Variants in KIF24 observed in about 807,000 individuals in gnomAD.
KIF24 encodes the protein kinesin family member 24.
Under a neutral mutation model 118.9 loss-of-function variants are expected in KIF24, and 81 were observed. The observed-to-expected ratio is 0.68, with a 90% CI of 0.57 to 0.82. The LOEUF is 0.82. Among genes scored for constraint, KIF24 ranks in the 40% least tolerant of loss-of-function variants. The pLI is 0.00. For synonymous variants in KIF24, 599 were observed against 610.0 expected (o/e 0.98, Z 0.27); for missense variants, 1,560 against 1,661.6 (o/e 0.94, Z 1.06).
At chr9:34,314,517 T>C (rs1208399047) in intron 1 of KIF24, among the ~76,000 whole-genome samples, 1 of 152,016 alleles carries the variant, frequency 6.6e-6, no homozygotes, top group Non-Finnish European at 1.5e-5. Flanking sequence ...CCCAGATCTA[T>C]AGAAAACCAA....
At chr9:34,260,229 C>A (rs1835004068) in intron 9 of KIF24, among the ~76,000 whole-genome samples, 1 of 152,152 alleles carries the variant, frequency 6.6e-6, no homozygotes, top group Non-Finnish European at 1.5e-5. Context: ...TTGGCAATCA[C>A]ACTTCTAGGA....
intron 1 of KIF24, among the ~76,000 whole-genome samples, chr9:34,326,703 A>C (rs138248928): frequency 6.6e-6 from 1 of 152,216 alleles, no homozygotes; most frequent in Non-Finnish European, 1.5e-5. Context: ...GAGAAGGAGA[A>C]TAGTATGAGA....
In KIF24 at chr9:34,296,016, G is replaced by A. The variant is rs554776819; in HGVS notation, c.911+1001C>T. Among the ~76,000 whole-genome samples, 11 of 148,642 alleles carry A rather than the reference G, an allele frequency of 7.4e-5. No homozygotes were observed. The East Asian group carries it at 1.8e-3, about 25-fold the overall frequency. The stretch of plus-strand genomic sequence containing the variant: ...GGGCGGATCACGAGGTCAGGAGATC[G>A]AGACCATCCTGACTAACACAGTGAA... On this transcript the variant is annotated intron_variant, in intron 4 of 12. Transcript: ENST00000402558.
intron 2 of KIF24, 52 bp downstream of exon 2, chr9:34,310,672 C>A: frequency 1.4e-6 from 2 of 1,400,274 alleles, no homozygotes; most frequent in Non-Finnish European, 2.0e-6. Context: ...GAGAGGCCTG[C>A]CCTTGCCTGA....
At chr9:34,265,008 T>C (rs1448015609) in intron 8 of KIF24, among the ~76,000 whole-genome samples, 1 of 152,156 alleles carries the variant, frequency 6.6e-6, no homozygotes, top group African/African-American at 2.4e-5. Flanking sequence ...GTTAGCATTT[T>C]TTCTAAGAAA....
intron 7 of KIF24, among the ~76,000 whole-genome samples, chr9:34,270,164 T>C (rs1287563454): frequency 6.7e-6 from 1 of 148,268 alleles, no homozygotes; most frequent in Non-Finnish European, 1.5e-5. Context: ...GAGGTTGCAG[T>C]GAGCCAAGAT....
chr9:34,255,693 G>T, intron 11 of KIF24, 42 bp downstream of exon 11: 1 of 1,519,782 alleles, frequency 6.6e-7, no homozygotes, highest in Non-Finnish European at 8.9e-7. Flanking sequence ...TGGAGGGTGG[G>T]TGCCAAAGGG....
chr9:34,316,901 G>A (rs1837346936), intron 1 of KIF24, among the ~76,000 whole-genome samples: 1 of 150,616 alleles, frequency 6.6e-6, no homozygotes, highest in Non-Finnish European at 1.5e-5. Context: ...GAAACCCCCC[G>A]TCTCTATTAA....
intron 5 of KIF24, among the ~76,000 whole-genome samples, chr9:34,287,193 A>G (rs1354040779): frequency 6.6e-6 from 1 of 152,216 alleles, no homozygotes; most frequent in Admixed American, 6.5e-5. Context: ...CACAGAAGAC[A>G]GAATGAAGAG....
At chr9:34,319,663 G>A (rs1384112661) in intron 1 of KIF24, 1 of 807,402 alleles carries the variant, frequency 1.2e-6, no homozygotes, top group Non-Finnish European at 2.2e-6. Context: ...TAGGGCCTCA[G>A]GGTGCACACA....
intron 1 of KIF24, among the ~76,000 whole-genome samples, chr9:34,323,023 C>T (rs1288211343): frequency 6.6e-6 from 1 of 152,078 alleles, no homozygotes; most frequent in Admixed American, 6.5e-5. Flanking sequence ...ATACACTTTT[C>T]CCCCTACAAG....
At chr9:34,329,082 T>C (rs1837786984) in intron 1 of KIF24, among the ~76,000 whole-genome samples, 24 bp downstream of exon 1, 1 of 152,184 alleles carries the variant, frequency 6.6e-6, no homozygotes. Flanking sequence ...CTACCCCTCC[T>C]CTATTCTCCC....
chr9:34,298,832 A>T (rs1836584183), intron 3 of KIF24, among the ~76,000 whole-genome samples: 1 of 152,196 alleles, frequency 6.6e-6, no homozygotes. Flanking sequence ...AAAGAGATGG[A>T]TACAGAAGAA....
intron 8 of KIF24, among the ~76,000 whole-genome samples, chr9:34,267,560 A>G (rs1381571375): frequency 6.6e-6 from 1 of 152,168 alleles, no homozygotes. Context: ...TAAATTTCTA[A>G]TAGTCATATC....
chr9:34,280,283 C>CAAAAAAA (rs56387532), intron 6 of KIF24, among the ~76,000 whole-genome samples: 51 of 64,452 alleles, frequency 7.9e-4, no homozygotes, highest in African/African-American at 2.2e-3. Context: ...GACTCCGTCT[C>CAAAAAAA]AAAAAAAAAA....
rs149107818 is a variant in KIF24 at position 34,256,889 on chromosome 9, G to A, written c.2718C>T (p.Leu906=). The stretch of plus-strand genomic sequence containing the variant: ...CCTTACTTGGGCTGCAGCTGTGATC[G>A]AGTGCTGCTCTTCTGTGGTTTATGG... ...RDPINHRRAA[L]DHSCSPSKGP... is the part of the protein sequence containing the mutation. Residue 906 remains leucine (L), a synonymous_variant, in exon 11 of 13, where the codon CTC becomes CTT. Coordinates refer to ENST00000402558, the MANE Select transcript of KIF24 (RefSeq NM_194313.4). The A allele has an allele frequency of 1.8e-3, 2,885 of 1,613,838 alleles. 5 individuals carry two copies. Among genetic ancestry groups the A allele is most frequent in the Non-Finnish European group, 2.3e-3 (2,681 of 1,179,886 alleles).
rs763238734 is a variant in KIF24, at chr9:34,290,394, G to A, written c.912-5C>T. On this transcript the variant is annotated splice_region_variant and splice_polypyrimidine_tract_variant and intron_variant, in intron 4 of 12. Transcript: ENST00000402558. ...GCAAAGCAAGTGGCATTGCCTCTGGGGAAAGGATAATTTGCATTACTTATG... is the reference window on the plus strand; with the variant it reads ...GCAAAGCAAGTGGCATTGCCTCTGGAGAAAGGATAATTTGCATTACTTATG... 6 of 1,589,294 alleles carry A rather than the reference G, an allele frequency of 3.8e-6. No homozygotes were observed. The Admixed American group carries it at 8.5e-5, about 23-fold the overall frequency.
In KIF24 at chr9:34,254,108, A is replaced by G; in HGVS notation, c.*272T>C. 1 of 338,980 alleles carries G rather than the reference A, an allele frequency of 3.0e-6. No individual in the cohort carries two copies. Among genetic ancestry groups the G allele is most frequent in the Non-Finnish European group, 5.3e-6 (1 of 187,930 alleles). 21.0% of individuals were successfully genotyped at this position (338,980 alleles called of 1,614,324 possible). On this transcript the variant is annotated 3_prime_UTR_variant, in exon 13 of 13. Transcript: ENST00000402558. The stretch of plus-strand genomic sequence containing the variant: ...CACAGGCAAGGGGTTAGTTAATCAT[A>G]TTCTCTAGGCACAAGGGAAAGGCAT...
intron 1 of KIF24, among the ~76,000 whole-genome samples, chr9:34,316,043 AAAT>A (rs1837316908): frequency 6.7e-6 from 1 of 148,684 alleles, no homozygotes; most frequent in Admixed American, 6.8e-5. Flanking sequence ...CCAAAAAAAA[AAAT>A]TTTTTTAGAA....
Sources: allele counts gnomAD v4.1 joint callset (sites outside exome capture counted in the v4.1 genomes callset), GRCh38; gene constraint gnomAD v4.1.1; transcripts MANE v1.5; gene names NCBI Gene and HGNC (gene_info 2026-07-23, HGNC 2026-07-21).